KIAA1671: variants seen among roughly 807,000 people sequenced by gnomAD.
KIAA1671 encodes the protein uncharacterized protein KIAA1671.
In KIAA1671, 52 loss-of-function variants were observed where a neutral mutation model predicts 131.2. The observed-to-expected ratio is 0.40, with a 90% CI of 0.32 to 0.50. The LOEUF is 0.50. Among genes scored for constraint, KIAA1671 ranks in the 20% least tolerant of loss-of-function variants. The probability of loss-of-function intolerance (pLI) is 0.73; values close to 1 mark genes in which losing one functional copy is unlikely to be tolerated. For missense variants in KIAA1671, 2,360 were observed against 2,364.2 expected, an observed-to-expected ratio of 1.00 and a Z score of 0.04; for synonymous variants, 1,003 against 961.6, an observed-to-expected ratio of 1.04 and a Z score of -0.80.
intron 6 of KIAA1671, among the ~76,000 whole-genome samples, chr22:25,142,179 G>A (rs1932815916): frequency 6.6e-6 from 1 of 152,092 alleles, no homozygotes. Flanking sequence ...TAGGGGTTGG[G>A]GGCACTGTGT....
chr22:25,155,968 G>A (rs1165002442), intron 6 of KIAA1671, among the ~76,000 whole-genome samples: 1 of 136,010 alleles, frequency 7.4e-6, no homozygotes, highest in Non-Finnish European at 1.6e-5. Context: ...ATATGTATGT[G>A]TGTATTTGTG....
intron 1 of KIAA1671, among the ~76,000 whole-genome samples, chr22:24,987,177 T>TATTATTATTATTA (rs1569199170): frequency 6.6e-6 from 1 of 150,850 alleles, no homozygotes; most frequent in African/African-American, 2.4e-5. Context: ...TATTATTTTT[T>TATTATTATTATTA]TTTTTTTTTC....
intron 6 of KIAA1671, among the ~76,000 whole-genome samples, chr22:25,160,669 AT>A (rs920059911): frequency 1.3e-5 from 2 of 152,080 alleles, no homozygotes; most frequent in Non-Finnish European, 2.9e-5. Context: ...ACCCTGGACC[AT>A]CCCCCTGCCT....
At chr22:24,958,879 G>A (rs1403019077) in intron 1 of KIAA1671, among the ~76,000 whole-genome samples, 1 of 151,742 alleles carries the variant, frequency 6.6e-6, no homozygotes, top group Non-Finnish European at 1.5e-5. Flanking sequence ...CTACTTGGGA[G>A]GCTGAGGCAG....
At chr22:25,078,645 C>T (rs568964753) in intron 6 of KIAA1671, among the ~76,000 whole-genome samples, 1 of 152,358 alleles carries the variant, frequency 6.6e-6, no homozygotes, top group South Asian at 2.1e-4. Flanking sequence ...ACTCCATACG[C>T]ACACCGTAAG....
chr22:25,027,651 A>G (rs1285068395), intron 2 of KIAA1671, among the ~76,000 whole-genome samples: 2 of 152,156 alleles, frequency 1.3e-5, no homozygotes, highest in Non-Finnish European at 2.9e-5. Flanking sequence ...GCTTTTTGCC[A>G]TTAAGTGCTG....
intron 6 of KIAA1671, chr22:25,070,064 G>T: frequency 3.2e-6 from 1 of 315,526 alleles, no homozygotes; most frequent in Non-Finnish European, 5.7e-6. Context: ...ACGGCTCCCG[G>T]GAGGGTGAGG....
At chr22:25,149,776 T>C (rs1320506445) in intron 6 of KIAA1671, among the ~76,000 whole-genome samples, 3 of 152,022 alleles carry the variant, frequency 2.0e-5, no homozygotes, top group Non-Finnish European at 4.4e-5. Context: ...AGTGTTAATC[T>C]TGTCCCTTGG....
chr22:25,135,035 A>G (rs4476445), intron 6 of KIAA1671, among the ~76,000 whole-genome samples: 15,231 of 152,208 alleles, frequency 0.1, 841 homozygotes, highest in East Asian at 0.16. Context: ...TTGAGTTGCC[A>G]AAGGATTGAT....
chr22:24,965,447 A>G (rs1323724797), intron 1 of KIAA1671, among the ~76,000 whole-genome samples: 1 of 151,490 alleles, frequency 6.6e-6, no homozygotes, highest in African/African-American at 2.4e-5. Flanking sequence ...CCCCCATAAA[A>G]AGATGAGCTT....
chr22:25,114,113 G>A (rs1051598203), intron 6 of KIAA1671, among the ~76,000 whole-genome samples: 1 of 152,198 alleles, frequency 6.6e-6, no homozygotes, highest in African/African-American at 2.4e-5. Flanking sequence ...GGGTGGTGCA[G>A]AGAACCATTC....
chr22:24,973,379 G>A (rs1283887966), intron 1 of KIAA1671, among the ~76,000 whole-genome samples: 4 of 136,432 alleles, frequency 2.9e-5, no homozygotes, highest in African/African-American at 1.1e-4. Flanking sequence ...ACCCCAAACT[G>A]CATATGATGG....
At chr22:25,117,423 G>A (rs748516489) in intron 6 of KIAA1671, among the ~76,000 whole-genome samples, 2 of 152,138 alleles carry the variant, frequency 1.3e-5, no homozygotes, top group African/African-American at 2.4e-5. Flanking sequence ...CTTGCTGGGA[G>A]CATGACCACA....
At chr22:24,997,425 A>G (rs1037360744) in intron 1 of KIAA1671, among the ~76,000 whole-genome samples, 2 of 152,188 alleles carry the variant, frequency 1.3e-5, no homozygotes, top group Non-Finnish European at 2.9e-5. Context: ...GACTTCTCCC[A>G]TGTCTTGCTT....
chr22:25,120,694 A>G (rs1931891315), intron 6 of KIAA1671, among the ~76,000 whole-genome samples: 1 of 152,224 alleles, frequency 6.6e-6, no homozygotes, highest in African/African-American at 2.4e-5. Flanking sequence ...CTAGCATTGG[A>G]ATGCATTTCC....
intron 6 of KIAA1671, among the ~76,000 whole-genome samples, chr22:25,131,946 C>T (rs890249937): frequency 2.0e-5 from 3 of 152,268 alleles, no homozygotes; most frequent in Middle Eastern, 3.4e-3. Flanking sequence ...AACTCTTTAG[C>T]GCAGCATTGG....
At chr22:25,114,942 C>A (rs1013639689) in intron 6 of KIAA1671, among the ~76,000 whole-genome samples, 7 of 152,196 alleles carry the variant, frequency 4.6e-5, no homozygotes, top group Admixed American at 3.3e-4. Context: ...TTCATTTCAT[C>A]CTGGTTCCTG....
At chr22:25,157,550 T>C (rs74344958) in intron 6 of KIAA1671, among the ~76,000 whole-genome samples, 2,223 of 152,324 alleles carry the variant, frequency 0.015, 27 homozygotes, top group Middle Eastern at 0.058. Flanking sequence ...CCAGATTCTC[T>C]TTTCCCTTGA....
At chr22:25,055,823 TATAG>T (rs1242615870) in intron 6 of KIAA1671, 2 of 148,684 alleles carry the variant, frequency 1.3e-5, no homozygotes, top group African/African-American at 4.9e-5. Flanking sequence ...TAGATATAGA[TATAG>T]ATAGATATAG....
Sources: gnomAD v4.1 joint callset for allele counts (sites outside exome capture counted in the v4.1 genomes callset) on GRCh38, gnomAD v4.1.1 for gene constraint, MANE v1.5 for transcripts, NCBI Gene and HGNC (gene_info 2026-07-23, HGNC 2026-07-21) for gene names.